SHC2: variants seen among roughly 807,000 people sequenced by gnomAD.
SHC2 encodes the protein SHC adaptor protein 2.
Under a neutral mutation model 60.6 loss-of-function variants are expected in SHC2, and 62 were observed. That is an observed-to-expected ratio of 1.02 (90% CI 0.83 to 1.26). The LOEUF (loss-of-function observed/expected upper bound fraction) is 1.26, where lower values mean the gene tolerates loss of function less well. SHC2 is among the 50% of genes most tolerant of loss of function. SHC2 has a pLI of 0.00. For synonymous variants in SHC2, 375 were observed against 372.4 expected (o/e 1.01, Z -0.08); for missense variants, 873 against 822.2 (o/e 1.06, Z -0.76).
At position 460,529 on chromosome 19, in the gene SHC2, C is replaced by A. The variant is rs941455141; in HGVS notation, c.468G>T (p.Arg156=). ...VLGPGVSYVV[R]YMGCIEVLRS... ...CCCGGGGGGGGTGGGGGGGACTCAC[C>A]CGCACGACGTAGGAGACCCCGGGCC... The change falls in exon 1 of 13, where the codon CGG becomes CGT. Residue 156 remains arginine (R), a splice_region_variant and synonymous_variant. Transcript: ENST00000264554. 4 of 1,356,938 alleles carry A rather than the reference C, an allele frequency of 2.9e-6. No homozygotes were observed. The African/African-American group carries it at 4.6e-5, about 15-fold the overall frequency. The allele number at this position is 1,356,938 out of a possible 1,614,324, so 84.1% of individuals were successfully genotyped here. A position where few individuals can be genotyped will look rare whatever the true frequency, so the allele number is the denominator to read the frequency against.
intron 1 of SHC2, among the ~76,000 whole-genome samples, chr19:457,775 T>C (rs1975386390): frequency 6.6e-6 from 1 of 152,230 alleles, no homozygotes; most frequent in African/African-American, 2.4e-5. Context: ...ACCTGACTGG[T>C]CCCAATGGAT....
intron 1 of SHC2, among the ~76,000 whole-genome samples, chr19:457,933 G>GGGGGAGGCGGAAGTGGGTCCC (rs1252162305): frequency 6.6e-6 from 1 of 152,156 alleles, no homozygotes; most frequent in Non-Finnish European, 1.5e-5. Context: ...GCACAGACCC[G>GGGGGAGGCGGAAGTGGGTCCC]GGGGAGGCGG....
Position 446,072 on chromosome 19 carries a change from A to G in SHC2, c.469-5140T>C, listed in dbSNP as rs1451893905. Among the ~76,000 whole-genome samples, 1 of 151,206 alleles carries G rather than the reference A, an allele frequency of 6.6e-6. No homozygotes were observed. The highest frequency in any genetic ancestry group is 2.4e-5 in the African/African-American group (1 of 41,162). ...TCTGTCTCAAAATAAAAAAAAAAAA[A>G]GACAAGCACAGAGGGAGATTTGAGA... On this transcript the variant is annotated intron_variant, in intron 1 of 12. Coordinates refer to ENST00000264554, the MANE Select transcript of SHC2 (RefSeq NM_012435.3). This position sits in a 1 kb window ranked among gnomAD's most constrained non-coding sequence, Gnocchi z 5.4.
rs1974869712 is a variant in SHC2 at position 441,538 on chromosome 19, C to A, written c.469-606G>T. On this transcript the variant is annotated intron_variant, in intron 1 of 12. Coordinates refer to ENST00000264554, the MANE Select transcript of SHC2 (RefSeq NM_012435.3). The surrounding 1 kb of genome is among the most constrained non-coding windows in gnomAD (Gnocchi z 4.9). ...TGCCGTAAAGGGTGGGGGAACAGGG[C>A]CAGGAGGCGAAGGCCACAGCGTCCT... is the stretch of plus-strand genomic sequence containing the variant. Among the ~76,000 whole-genome samples, 1 of 151,982 alleles carries A rather than the reference C, an allele frequency of 6.6e-6. No homozygotes were observed. The highest frequency in any genetic ancestry group is 2.4e-5 in the African/African-American group (1 of 41,368).
intron 1 of SHC2, among the ~76,000 whole-genome samples, chr19:444,934 A>T (rs1975017317): frequency 6.6e-6 from 1 of 152,190 alleles, no homozygotes; most frequent in Admixed American, 6.5e-5. Flanking sequence ...TGGGAGGGTG[A>T]CTGACCTCCT....
intron 11 of SHC2, among the ~76,000 whole-genome samples, chr19:421,277 G>A (rs1404915572): frequency 1.3e-5 from 2 of 151,786 alleles, no homozygotes; most frequent in African/African-American, 4.8e-5. Flanking sequence ...GTGGGAACCT[G>A]TAATCCTAGG....
rs543050129 is a variant in SHC2, at chr19:431,274, G to A, written c.1111-527C>T. Among the ~76,000 whole-genome samples the A allele has an allele frequency of 5.4e-3, 820 of 151,354 alleles. 2 individuals are homozygous for A. The highest frequency in any genetic ancestry group is 7.3e-3 in the African/African-American group (301 of 41,074). ...AGAGGAGGCCGGGCAGATAGATGGC[G>A]CTTCATCGTGAGTGAGATCGTGAGT... On this transcript the variant is annotated intron_variant, in intron 8 of 12. Coordinates refer to ENST00000264554, the MANE Select transcript of SHC2 (RefSeq NM_012435.3).
chr19:442,241 G>A (rs917050873), intron 1 of SHC2, among the ~76,000 whole-genome samples: 4 of 151,914 alleles, frequency 2.6e-5, no homozygotes, highest in African/African-American at 7.2e-5. Context: ...ATAGATGGGT[G>A]GGTGAGTGGG....
In SHC2 at chr19:430,702, C is replaced by A. The variant is rs139470764; in HGVS notation, c.1156G>T (p.Val386Leu). 5.0e-6 allele frequency: 8 copies of A among 1,612,946 alleles called. No individual in the cohort carries two copies. The highest frequency in any genetic ancestry group is 6.8e-6 in the Non-Finnish European group (8 of 1,179,796). ...ATCCTACCTGTACCGGTGGACCCCA[C>A]GTCCCATGGCAGGCTGCAGGCATCT... is the stretch of plus-strand genomic sequence containing the variant. ...LRDACSLPWD[V>L]GSTGTAPPGD... Residue 386 changes from valine (V) to leucine (L), a missense_variant, in exon 9 of 13, where the codon GTG becomes TTG. Coordinates refer to ENST00000264554, the MANE Select transcript of SHC2 (RefSeq NM_012435.3).
chr19:440,589 C>T lies in SHC2; in HGVS notation c.539+273G>A, dbSNP rs1974838965. 6.6e-6 allele frequency among the ~76,000 whole-genome samples: 1 copy of T among 152,214 alleles called. No individual in the cohort carries two copies. The highest frequency in any genetic ancestry group is 6.5e-5 in the Admixed American group (1 of 15,288). On this transcript the variant is annotated intron_variant, in intron 2 of 12. Coordinates refer to ENST00000264554, the MANE Select transcript of SHC2 (RefSeq NM_012435.3). This position sits in a 1 kb window ranked among gnomAD's most constrained non-coding sequence, Gnocchi z 7.0. The stretch of plus-strand genomic sequence containing the variant: ...AGGGAACCCGCCAGGCCCTGCACCC[C>T]ACGCCGTGCGGGGACTTGCCCAGCA...
chr19:450,642 C>G (rs977320407), intron 1 of SHC2, among the ~76,000 whole-genome samples: 1 of 152,240 alleles, frequency 6.6e-6, no homozygotes, highest in African/African-American at 2.4e-5. Context: ...CAAGGTCCGT[C>G]CGTGCCGTGG....
intron 12 of SHC2, among the ~76,000 whole-genome samples, chr19:417,946 A>G (rs960253208): frequency 6.6e-6 from 1 of 152,008 alleles, no homozygotes; most frequent in Non-Finnish European, 1.5e-5. Context: ...GCCCTTGGGA[A>G]ATTCCACAGC....
At chr19:418,786 G>C (rs1115033) in intron 12 of SHC2, 137 bp downstream of exon 12, 17 of 960,378 alleles carry the variant, frequency 1.8e-5, no homozygotes, top group Middle Eastern at 3.1e-4. Flanking sequence ...ATGGTTGCAC[G>C]GCTCGGATGC....
At chr19:435,270 C>A (rs959669616) in intron 7 of SHC2, among the ~76,000 whole-genome samples, 7 of 152,382 alleles carry the variant, frequency 4.6e-5, no homozygotes, top group Admixed American at 4.6e-4. Context: ...AGGAATTGAT[C>A]CTGCAGGTGC....
Position 422,595 on chromosome 19 carries a change from A to G in SHC2, c.1310-139T>C. ...TGCGCTGACCGAGCGCCCACAGCGT[A>G]TCAGACTCGCACTCTGCCCAGCCCC... is the stretch of plus-strand genomic sequence containing the variant. On this transcript the variant is annotated intron_variant, in intron 10 of 12. Coordinates refer to ENST00000264554, the MANE Select transcript of SHC2 (RefSeq NM_012435.3). This position sits in a 1 kb window ranked among gnomAD's most constrained non-coding sequence, Gnocchi z 5.0. 4 of 677,222 alleles carry G rather than the reference A, an allele frequency of 5.9e-6. No individual in the cohort carries two copies. The Admixed American group carries it at 8.9e-5, about 15-fold the overall frequency. 42.0% of individuals were successfully genotyped at this position (677,222 alleles called of 1,614,324 possible).
chr19:447,320 G>C (rs76092573), intron 1 of SHC2, among the ~76,000 whole-genome samples: 9,059 of 152,108 alleles, frequency 0.06, 798 homozygotes, highest in African/African-American at 0.18. Flanking sequence ...GTGGAGGGGA[G>C]GGACGGCTGA....
At position 425,293 on chromosome 19, in the gene SHC2, C is replaced by G; in HGVS notation, c.1175-62G>C. The G allele has an allele frequency of 7.9e-7, 1 of 1,269,392 alleles. No homozygotes were observed. The allele number at this position is 1,269,392 out of a possible 1,614,324, so 78.6% of individuals were successfully genotyped here. A position where few individuals can be genotyped will look rare whatever the true frequency, so the allele number is the denominator to read the frequency against. ...AGCCAGGCGAGGGGCTCGCAGGGAG[C>G]AAGGCGGGGTCCCACGAGGAGCTCC... On this transcript the variant is annotated intron_variant, in intron 9 of 12. Coordinates refer to ENST00000264554, the MANE Select transcript of SHC2 (RefSeq NM_012435.3). This position sits in a 1 kb window ranked among gnomAD's most constrained non-coding sequence, Gnocchi z 4.1.
intron 1 of SHC2, among the ~76,000 whole-genome samples, chr19:456,056 C>A (rs1160954236): frequency 6.6e-6 from 1 of 152,196 alleles, no homozygotes; most frequent in African/African-American, 2.4e-5. Flanking sequence ...GGACCCTCAG[C>A]CCCGGGTTCT....
chr19:425,287 A>G lies in SHC2; in HGVS notation c.1175-56T>C, dbSNP rs1974386962. ...GCTGGGAGCCAGGCGAGGGGCTCGCAGGGAGCAAGGCGGGGTCCCACGAGG... is the reference window on the plus strand; with the variant it reads ...GCTGGGAGCCAGGCGAGGGGCTCGCGGGGAGCAAGGCGGGGTCCCACGAGG... On this transcript the variant is annotated intron_variant, in intron 9 of 12. Coordinates refer to ENST00000264554, the MANE Select transcript of SHC2 (RefSeq NM_012435.3). This position sits in a 1 kb window ranked among gnomAD's most constrained non-coding sequence, Gnocchi z 4.1. 1 of 1,288,124 alleles carries G rather than the reference A, an allele frequency of 7.8e-7. No individual in the cohort carries two copies. The highest frequency in any genetic ancestry group is 9.9e-7 in the Non-Finnish European group (1 of 1,009,016). The allele number at this position is 1,288,124 out of a possible 1,614,324, so 79.8% of individuals were successfully genotyped here.
Sources: gnomAD v4.1 joint callset for allele counts (sites outside exome capture counted in the v4.1 genomes callset) on GRCh38, gnomAD v4.1.1 for gene constraint, Gnocchi (gnomAD v3.1) non-coding constraint, MANE v1.5 for transcripts, NCBI Gene and HGNC (gene_info 2026-07-23, HGNC 2026-07-21) for gene names.